The following DNAH8 variants were observed in gnomAD, a reference collection of about 807,000 sequenced individuals.
DNAH8 encodes the protein axonemal beta dynein heavy chain 8.
In DNAH8, 382 loss-of-function variants were observed where a neutral mutation model predicts 562.1. The ratio of observed to expected loss-of-function variants is 0.68; its 90% CI spans 0.63 to 0.74. The LOEUF is 0.74. Ranked by LOEUF, DNAH8 falls within the 30% of genes least tolerant of loss-of-function variation. DNAH8 has a pLI of 0.00. For missense variants in DNAH8, 5,203 were observed against 5,620.4 expected, an observed-to-expected ratio of 0.93 and a Z score of 2.37; for synonymous variants, 1,881 against 1,919.4, an observed-to-expected ratio of 0.98 and a Z score of 0.52.
At chr6:38,990,289 TGA>T in intron 88 of DNAH8, 117 bp downstream of exon 88, 1 of 718,600 alleles carries the variant, frequency 1.4e-6, no homozygotes, top group Non-Finnish European at 2.3e-6. Context: ...TATTTTACTG[TGA>T]AAAATAGTGT....
Position 38,790,283 on chromosome 6 carries a change from T to A in DNAH8, c.2665-6T>A, listed in dbSNP as rs750668697. The A allele has an allele frequency of 7.7e-6, 12 of 1,548,410 alleles. No homozygotes were observed. Among genetic ancestry groups the A allele is most frequent in the Non-Finnish European group, 1.1e-5 (12 of 1,123,246 alleles). On this transcript the variant is annotated splice_region_variant and splice_polypyrimidine_tract_variant and intron_variant, in intron 19 of 92. Transcript: ENST00000327475. ...ATAGAAGCAGTTGTGTTTTTACCGT[T>A]TCTAGGTGGAATCTGTGTTGAGGCA...
intron 77 of DNAH8, 118 bp from the exon 78 acceptor site, chr6:38,937,856 C>A (rs1783093834): frequency 8.0e-7 from 1 of 1,246,678 alleles, no homozygotes; most frequent in Non-Finnish European, 1.1e-6. Flanking sequence ...AGTAGTCTTC[C>A]TGACTTTGGA....
At chr6:38,994,514 T>TTC (rs55690044) in intron 88 of DNAH8, among the ~76,000 whole-genome samples, 2 of 151,756 alleles carry the variant, frequency 1.3e-5, no homozygotes, top group East Asian at 3.8e-4. Context: ...TTTTTTTTTT[T>TTC]AGTGCTTGTA....
At chr6:38,913,401 G>A (rs1192508332) in intron 66 of DNAH8, among the ~76,000 whole-genome samples, 4 of 152,106 alleles carry the variant, frequency 2.6e-5, no homozygotes, top group Non-Finnish European at 4.4e-5. Flanking sequence ...CATTACATAA[G>A]TTTTCACAGT....
At chr6:38,743,007 CT>C (rs11340457) in intron 8 of DNAH8, among the ~76,000 whole-genome samples, 20,344 of 51,730 alleles carry the variant, frequency 0.39, 4,632 homozygotes, top group East Asian at 0.71. Context: ...TGTTGTTGTG[CT>C]TTTTTTTTTT....
In DNAH8 at chr6:38,832,389, A is replaced by G; in HGVS notation, c.4256A>G (p.Glu1419Gly). 6.2e-7 allele frequency: 1 copy of G among 1,613,824 alleles called. No individual in the cohort carries two copies. ...KFKSNLLESVEVFREDVINFA... is the reference protein window; with the variant it reads ...KFKSNLLESVGVFREDVINFA... ...AAAAGCAATCTACTTGAGTCTGTGG[A>G]AGTTTTTCGTGAGGACGTGATAAAC... The change falls in exon 31 of 93, where the codon GAA becomes GGA. Residue 1419 changes from glutamate to glycine, a missense_variant. By Grantham distance (98) the Glu-to-Gly change is moderately conservative (BLOSUM62 -2). Around this residue, in one of 6 missense-constraint regions of DNAH8, gnomAD observed 2,176 missense variants for 2,365.1 expected, o/e 0.92. Transcript: ENST00000327475.
intron 18 of DNAH8, among the ~76,000 whole-genome samples, chr6:38,787,491 C>T (rs1363954008): frequency 6.6e-6 from 1 of 151,662 alleles, no homozygotes; most frequent in African/African-American, 2.4e-5. Flanking sequence ...TTTGGGAGGC[C>T]GAGGTGGGTG....
intron 45 of DNAH8, among the ~76,000 whole-genome samples, chr6:38,866,092 A>G (rs1483914030): frequency 6.6e-6 from 1 of 151,604 alleles, no homozygotes; most frequent in Non-Finnish European, 1.5e-5. Context: ...TGCCATCTTT[A>G]TTTCTCCTCA....
intron 3 of DNAH8, among the ~76,000 whole-genome samples, chr6:38,723,750 C>T (rs1327993056): frequency 3.3e-5 from 5 of 151,918 alleles, no homozygotes; most frequent in African/African-American, 4.8e-5. Context: ...GTGGTCCGTA[C>T]CTGTGGTCCC....
chr6:38,823,679 T>G lies in DNAH8; in HGVS notation c.3838T>G (p.Leu1280Val). 6.3e-7 allele frequency: 1 copy of G among 1,597,286 alleles called. No individual in the cohort carries two copies. The highest frequency in any genetic ancestry group is 8.6e-7 in the Non-Finnish European group (1 of 1,167,236). ...TATTATTGTTGTAGGAGCACTTGAA[T>G]TACATACAGGTATTTTAAAAATGTT... ...KPIIVVGALE[L>V]HTEPMKLALS... Residue 1280 changes from leucine (L) to valine (V), a missense_variant, in exon 28 of 93, where the codon TTA (leucine) becomes GTA (valine). Physicochemically the swap from Leu to Val is conservative, Grantham distance 32. This residue lies in a region of DNAH8 where 2,176 missense variants were observed against 2,365.1 expected (regional missense o/e 0.92). Transcript: ENST00000327475.
intron 70 of DNAH8, 140 bp downstream of exon 70, chr6:38,918,280 G>A: frequency 1.7e-6 from 1 of 588,512 alleles, no homozygotes; most frequent in Non-Finnish European, 2.9e-6. Flanking sequence ...TTTTCTCTAT[G>A]TCCTCTCAAA....
chr6:38,734,039 T>G (rs1763876514), intron 4 of DNAH8, among the ~76,000 whole-genome samples: 2 of 151,210 alleles, frequency 1.3e-5, no homozygotes. Context: ...ATCCCAGCAC[T>G]TTGGGAGGCT....
chr6:39,028,389 G>C (rs564543052), intron 92 of DNAH8, among the ~76,000 whole-genome samples: 7 of 152,312 alleles, frequency 4.6e-5, no homozygotes, highest in African/African-American at 1.7e-4. Context: ...GGAAAATCTT[G>C]TTCTAAGCTT....
At chr6:39,005,662 A>G (rs1414321379) in intron 88 of DNAH8, among the ~76,000 whole-genome samples, 1 of 152,292 alleles carries the variant, frequency 6.6e-6, no homozygotes, top group East Asian at 1.9e-4. Flanking sequence ...CGTTTATTCA[A>G]ATATTTTTTC....
chr6:38,829,059 G>A (rs1247354818), intron 30 of DNAH8, among the ~76,000 whole-genome samples: 11 of 152,102 alleles, frequency 7.2e-5, no homozygotes, highest in Non-Finnish European at 1.3e-4. Context: ...CCATGTGCGA[G>A]GACTTCATTT....
At chr6:38,781,146 G>A (rs1039773630) in intron 15 of DNAH8, 108 bp from the exon 16 acceptor site, 6 of 1,211,782 alleles carry the variant, frequency 5.0e-6, no homozygotes, top group African/African-American at 3.1e-5. Context: ...ACTACCTACT[G>A]TATATAAAAC....
intron 41 of DNAH8, among the ~76,000 whole-genome samples, chr6:38,853,960 C>G (rs1032126852): frequency 1.3e-5 from 2 of 151,150 alleles, no homozygotes; most frequent in Non-Finnish European, 2.9e-5. Flanking sequence ...TTTGCACTGT[C>G]GTAAAGTAAA....
chr6:38,771,231 GAAGACC>G (rs1280832736), intron 12 of DNAH8, among the ~76,000 whole-genome samples: 10 of 152,298 alleles, frequency 6.6e-5, no homozygotes, highest in East Asian at 5.8e-4. Flanking sequence ...TACATAGGTT[GAAGACC>G]TAGACATGTT....
At chr6:39,020,041 G>A (rs1312398221) in intron 91 of DNAH8, among the ~76,000 whole-genome samples, 1 of 152,198 alleles carries the variant, frequency 6.6e-6, no homozygotes, top group African/African-American at 2.4e-5. Flanking sequence ...GGAGAAGTGG[G>A]AGGTTGGTTA....
Sources: gnomAD v4.1 joint callset for allele counts (sites outside exome capture counted in the v4.1 genomes callset) on GRCh38, gnomAD v4.1.1 for gene constraint, gnomAD v4.1.1 regional missense constraint, MANE v1.5 for transcripts, NCBI Gene and HGNC (gene_info 2026-07-23, HGNC 2026-07-21) for gene names.